The following PSMF1 variants were observed in gnomAD, a reference collection of about 807,000 sequenced individuals.
PSMF1 encodes proteasome inhibitor PI31 subunit.
Under a neutral mutation model 29.3 loss-of-function variants are expected in PSMF1, and 30 were observed. That is an observed-to-expected ratio of 1.02 (90% CI 0.77 to 1.39). The LOEUF is 1.39. PSMF1 is among the 40% of genes most tolerant of loss of function. The pLI, the probability that PSMF1 is intolerant of heterozygous loss-of-function variation, is 0.00. For missense variants in PSMF1, 344 were observed against 357.5 expected (o/e 0.96, Z 0.31); for synonymous variants, 134 against 139.7 (o/e 0.96, Z 0.29).
intron 3 of PSMF1, among the ~76,000 whole-genome samples, chr20:1,127,874 G>A (rs574029215): frequency 7.2e-5 from 11 of 152,256 alleles, no homozygotes; most frequent in East Asian, 3.9e-4. Flanking sequence ...CTTTAGGGTC[G>A]TTTTAGGTAC....
chr20:1,132,083 A>G (rs1304442199), intron 3 of PSMF1, among the ~76,000 whole-genome samples: 2 of 152,076 alleles, frequency 1.3e-5, no homozygotes, highest in Non-Finnish European at 2.9e-5. Context: ...CTGTGGATCT[A>G]TCTCTGGATC....
chr20:1,125,469 C>G, intron 1 of PSMF1, 29 bp from the exon 2 acceptor site: 1 of 1,569,578 alleles, frequency 6.4e-7, no homozygotes, highest in Non-Finnish European at 8.6e-7. Flanking sequence ...AGTTCATGAT[C>G]TTTCTCCTCT....
In PSMF1 at chr20:1,125,891, A is replaced by G. The variant is rs746378516; in HGVS notation, c.282+241A>G. On this transcript the variant is annotated intron_variant, in intron 2 of 6. Coordinates refer to ENST00000335877, the MANE Select transcript of PSMF1 (RefSeq NM_006814.5). Reference sequence around the variant, plus strand: ...TCTGTCAACAGGGGAATGGTTAAATAAGGTAAATCTATTCAGTGACAAGAT... The same window carrying G: ...TCTGTCAACAGGGGAATGGTTAAATGAGGTAAATCTATTCAGTGACAAGAT... 5 of 667,900 alleles carry G rather than the reference A, an allele frequency of 7.5e-6. No individual in the cohort carries two copies. In the African/African-American group the frequency reaches 8.8e-5, roughly 12 times the overall value. The allele number at this position is 667,900 out of a possible 1,614,324, so 41.4% of individuals were successfully genotyped here.
Position 1,160,084 on chromosome 20 carries a change from T to C in PSMF1, c.552-3046T>C, listed in dbSNP as rs183260611. 2.4e-3 allele frequency among the ~76,000 whole-genome samples: 363 copies of C among 152,124 alleles called. 1 individual carries two copies. Among genetic ancestry groups the C allele is most frequent in the African/African-American group, 8.3e-3 (344 of 41,480 alleles). On this transcript the variant is annotated intron_variant, in intron 4 of 6. Transcript: ENST00000335877. ...TGTATTATATCCATATCCCTATGCA[T>C]TACGGAAAAAACAGGAAAGTATAAA...
rs139171551 is a variant in PSMF1, at chr20:1,165,353, A to G, written c.*273A>G. The stretch of plus-strand genomic sequence containing the variant: ...ACCACCAGCTCCTCTCCACTTCCCA[A>G]GGGAGACTCCGGCAACCTTCAGCAA... On this transcript the variant is annotated 3_prime_UTR_variant, in exon 7 of 7. Transcript: ENST00000335877. 450 of 1,357,706 alleles carry G rather than the reference A, an allele frequency of 3.3e-4. 1 individual carries two copies. The African/African-American group carries it at 5.8e-3, about 18-fold the overall frequency. The allele number at this position is 1,357,706 out of a possible 1,614,324, so 84.1% of individuals were successfully genotyped here.
Position 1,164,926 on chromosome 20 carries a change from ACAT to A in PSMF1, c.765-99_765-97del, listed in dbSNP as rs2086710197. 4 of 1,029,502 alleles carry A rather than the reference ACAT, an allele frequency of 3.9e-6. No homozygotes were observed. Among genetic ancestry groups the A allele is most frequent in the Non-Finnish European group, 6.1e-6 (4 of 660,488 alleles). The allele number at this position is 1,029,502 out of a possible 1,614,324, so 63.8% of individuals were successfully genotyped here. A position where few individuals can be genotyped will look rare whatever the true frequency, so the allele number is the denominator to read the frequency against. On this transcript the variant is annotated intron_variant, in intron 6 of 6. Coordinates refer to ENST00000335877, the MANE Select transcript of PSMF1 (RefSeq NM_006814.5). This position sits in a 1 kb window ranked among gnomAD's most constrained non-coding sequence, Gnocchi z 4.1. ...ATGTGTTTAAATTCCTCACACCGCCACATCATGTTGAAGGGCAGGCTCCCTCAG... is the reference window on the plus strand; with the variant it reads ...ATGTGTTTAAATTCCTCACACCGCCACATGTTGAAGGGCAGGCTCCCTCAG...
intron 4 of PSMF1, among the ~76,000 whole-genome samples, chr20:1,162,343 G>A (rs2086677419): frequency 6.6e-6 from 1 of 151,850 alleles, no homozygotes; most frequent in Non-Finnish European, 1.5e-5. Context: ...TCACTGTTAT[G>A]TGAGAGCATT....
rs2086716108 is a variant in PSMF1 at position 1,165,334 on chromosome 20, A to G, written c.*254A>G. The G allele has an allele frequency of 3.6e-6, 5 of 1,385,576 alleles. No individual in the cohort carries two copies. Among genetic ancestry groups the G allele is most frequent in the Non-Finnish European group, 4.7e-6 (5 of 1,071,742 alleles). The allele number at this position is 1,385,576 out of a possible 1,614,324, so 85.8% of individuals were successfully genotyped here. On this transcript the variant is annotated 3_prime_UTR_variant, in exon 7 of 7. Coordinates refer to ENST00000335877, the MANE Select transcript of PSMF1 (RefSeq NM_006814.5). Reference sequence around the variant, plus strand: ...CATCAGCTCCTCCCCTTTCACCACCAGCTCCTCTCCACTTCCCAAGGGAGA... The same window carrying G: ...CATCAGCTCCTCCCCTTTCACCACCGGCTCCTCTCCACTTCCCAAGGGAGA...
intron 3 of PSMF1, among the ~76,000 whole-genome samples, chr20:1,128,102 TCA>T (rs2086183512): frequency 6.6e-6 from 1 of 152,222 alleles, no homozygotes; most frequent in South Asian, 2.1e-4. Flanking sequence ...TATCATAGTA[TCA>T]CACAGAATAG....
intron 4 of PSMF1, chr20:1,160,600 C>T: frequency 1.4e-5 from 7 of 494,992 alleles, no homozygotes; most frequent in South Asian, 1.1e-4. Flanking sequence ...GAAGAGATCA[C>T]CATACTCGTC....
chr20:1,172,139 T>C lies in PSMF1; in HGVS notation c.*7059T>C, dbSNP rs148428514. 6.6e-6 allele frequency among the ~76,000 whole-genome samples: 1 copy of C among 152,342 alleles called. No individual in the cohort carries two copies. The highest frequency in any genetic ancestry group is 1.5e-5 in the Non-Finnish European group (1 of 68,024). ...CTCTCCCCCACAGAGCTTCCCAATT[T>C]ACATGTAAACCTTGGGCATCAAAGT... On this transcript the variant is annotated 3_prime_UTR_variant, in exon 7 of 7. Coordinates refer to ENST00000335877, the MANE Select transcript of PSMF1 (RefSeq NM_006814.5).
chr20:1,155,174 A>T (rs1259768935), intron 4 of PSMF1, among the ~76,000 whole-genome samples: 3 of 152,210 alleles, frequency 2.0e-5, no homozygotes, highest in South Asian at 2.1e-4. Context: ...CAAAGTGAGG[A>T]AATGAACATT....
intron 4 of PSMF1, among the ~76,000 whole-genome samples, chr20:1,160,152 C>T (rs2122600676): frequency 6.6e-6 from 1 of 152,196 alleles, no homozygotes; most frequent in Middle Eastern, 3.4e-3. Flanking sequence ...TGTTTACGCT[C>T]TCGGTACGCT....
chr20:1,150,560 A>G (rs997223481), intron 4 of PSMF1, among the ~76,000 whole-genome samples: 1 of 152,028 alleles, frequency 6.6e-6, no homozygotes, highest in African/African-American at 2.4e-5. Flanking sequence ...TTTGGATTTC[A>G]TCTTTTGTGA....
chr20:1,149,772 A>G (rs1257701515), intron 4 of PSMF1, among the ~76,000 whole-genome samples: 1 of 152,244 alleles, frequency 6.6e-6, no homozygotes, highest in Middle Eastern at 3.2e-3. Context: ...GTGGTGGCCC[A>G]CACCTGTAAT....
chr20:1,161,666 G>A, intron 4 of PSMF1: 1 of 672,194 alleles, frequency 1.5e-6, no homozygotes. Flanking sequence ...TGACAAGTCG[G>A]GCCCCTCCAT....
In PSMF1 at chr20:1,169,488, G is replaced by T. The variant is rs1409062187; in HGVS notation, c.*4408G>T. ...AGATGAGCCACCTAAGGTGGATGTT[G>T]TGAGAGTCACAGTGGGTTTAGAGGG... is the stretch of plus-strand genomic sequence containing the variant. On this transcript the variant is annotated 3_prime_UTR_variant, in exon 7 of 7. Transcript: ENST00000335877. Among the ~76,000 whole-genome samples, 9 of 152,236 alleles carry T rather than the reference G, an allele frequency of 5.9e-5. No individual in the cohort carries two copies. The highest frequency in any genetic ancestry group is 1.0e-4 in the Non-Finnish European group (7 of 68,046).
Position 1,168,932 on chromosome 20 carries a change from C to G in PSMF1, c.*3852C>G, listed in dbSNP as rs1267056792. On this transcript the variant is annotated 3_prime_UTR_variant, in exon 7 of 7. Coordinates refer to ENST00000335877, the MANE Select transcript of PSMF1 (RefSeq NM_006814.5). ...TTGCATGTGTATAAACCACTATTGA[C>G]TTTTTGCACCAAAGGAGATATTCAA... Among the ~76,000 whole-genome samples, 1 of 152,112 alleles carries G rather than the reference C, an allele frequency of 6.6e-6. No homozygotes were observed. Among genetic ancestry groups the G allele is most frequent in the Non-Finnish European group, 1.5e-5 (1 of 68,034 alleles).
chr20:1,131,132 A>G (rs2086223513), intron 3 of PSMF1, among the ~76,000 whole-genome samples: 1 of 152,182 alleles, frequency 6.6e-6, no homozygotes, highest in Non-Finnish European at 1.5e-5. Context: ...CTTAGTGGGT[A>G]AGGGAGGGAC....
Sources: allele counts gnomAD v4.1 joint callset (sites outside exome capture counted in the v4.1 genomes callset), GRCh38; gene constraint gnomAD v4.1.1; non-coding constraint Gnocchi (gnomAD v3.1); transcripts MANE v1.5; gene names NCBI Gene and HGNC (gene_info 2026-07-23, HGNC 2026-07-21).